Variants in NRG4 observed in about 807,000 individuals in gnomAD.
NRG4 encodes pro-neuregulin-4, membrane-bound isoform.
In NRG4, 10 loss-of-function variants were observed where a neutral mutation model predicts 15.0. That is an observed-to-expected ratio of 0.67 (90% CI 0.41 to 1.13). The LOEUF is 1.13. Among genes scored for constraint, NRG4 ranks in the 50% most tolerant of loss-of-function variants. The pLI is 0.00. For missense variants in NRG4, 139 were observed against 140.2 expected, an observed-to-expected ratio of 0.99 and a Z score of 0.04; for synonymous variants, 41 against 50.1, an observed-to-expected ratio of 0.82 and a Z score of 0.77.
chr15:75,971,104 G>T, intron 3 of NRG4: 2 of 331,866 alleles, frequency 6.0e-6, no homozygotes, highest in Non-Finnish European at 5.9e-6. Context: ...AAAACAGATT[G>T]CCCTGTGGAT....
chr15:75,988,330 CA>C (rs2033876409), intron 3 of NRG4, among the ~76,000 whole-genome samples: 1 of 152,162 alleles, frequency 6.6e-6, no homozygotes, highest in South Asian at 2.1e-4. Flanking sequence ...GGACTACAGG[CA>C]TGCGCCACCA....
chr15:76,026,196 A>G (rs1382662662), intron 5 of NRG4, among the ~76,000 whole-genome samples: 1 of 152,248 alleles, frequency 6.6e-6, no homozygotes, highest in Non-Finnish European at 1.5e-5. Context: ...AGAAAGTTCA[A>G]ATAATCCCAC....
At chr15:76,050,437 G>GTTTTTTT (rs71444951) in intron 4 of NRG4, among the ~76,000 whole-genome samples, 4 of 91,874 alleles carry the variant, frequency 4.4e-5, no homozygotes, top group Non-Finnish European at 6.4e-5. Flanking sequence ...CCGAGCCTTC[G>GTTTTTTT]TTTTTTTTTT....
intron 3 of NRG4, among the ~76,000 whole-genome samples, chr15:75,967,499 T>C (rs1170163735): frequency 6.8e-6 from 1 of 148,090 alleles, no homozygotes; most frequent in East Asian, 2.0e-4. Context: ...CTTGCTTTTG[T>C]TGCTCAGGCT....
At chr15:76,027,415 A>C (rs931856181) in intron 5 of NRG4, among the ~76,000 whole-genome samples, 2 of 152,092 alleles carry the variant, frequency 1.3e-5, no homozygotes, top group East Asian at 1.9e-4. Context: ...AAGCACCTAG[A>C]TATATAAAGC....
At chr15:75,978,985 C>G (rs1025748313) in intron 3 of NRG4, among the ~76,000 whole-genome samples, 3 of 152,026 alleles carry the variant, frequency 2.0e-5, no homozygotes, top group Non-Finnish European at 4.4e-5. Context: ...TTTTTTCCTG[C>G]AGAATTGTTG....
chr15:76,056,031 A>AT (rs1267884742), intron 2 of NRG4, among the ~76,000 whole-genome samples: 1 of 152,158 alleles, frequency 6.6e-6, no homozygotes, highest in African/African-American at 2.4e-5. Context: ...TTTACAATTA[A>AT]TTTTTATTGA....
intron 3 of NRG4, among the ~76,000 whole-genome samples, chr15:75,991,622 T>C (rs1450676593): frequency 1.3e-5 from 2 of 149,078 alleles, no homozygotes; most frequent in Middle Eastern, 3.5e-3. Flanking sequence ...ACTGTGTCCT[T>C]AGTGAATTTT....
intron 5 of NRG4, among the ~76,000 whole-genome samples, chr15:76,034,214 C>G (rs2035546059): frequency 6.6e-6 from 1 of 152,172 alleles, no homozygotes; most frequent in East Asian, 1.9e-4. Flanking sequence ...TCTAAGCCAT[C>G]CTCCTTTGTT....
intron 4 of NRG4, chr15:75,959,199 G>A (rs189042092): frequency 1.6e-5 from 5 of 306,100 alleles, no homozygotes; most frequent in Non-Finnish European, 2.6e-5. Context: ...TGTTGTCCAG[G>A]CTGGTCTTAA....
intron 5 of NRG4, chr15:75,945,809 C>T (rs538353629): frequency 2.0e-5 from 3 of 152,306 alleles, no homozygotes; most frequent in Admixed American, 2.0e-4. Context: ...GTCCCCTCTT[C>T]TCCATGGGGG....
chr15:76,011,077 T>A, intron 2 of NRG4, 144 bp downstream of exon 2: 1 of 706,216 alleles, frequency 1.4e-6, no homozygotes, highest in East Asian at 3.5e-5. Context: ...ATATTTCATA[T>A]TTGAAATATT....
At chr15:75,969,219 C>T (rs1362138789) in intron 3 of NRG4, 1 of 456,058 alleles carries the variant, frequency 2.2e-6, no homozygotes, top group East Asian at 6.9e-5. Context: ...AGCATCAGTT[C>T]ACTTCCTGAC....
intron 5 of NRG4, among the ~76,000 whole-genome samples, chr15:75,946,119 G>T (rs1226964251): frequency 6.6e-6 from 1 of 151,992 alleles, no homozygotes; most frequent in Non-Finnish European, 1.5e-5. Context: ...GTGTGGATGT[G>T]GTGGGCAAAA....
Position 75,977,346 on chromosome 15 carries a change from G to A in NRG4, c.105-15372C>T, listed in dbSNP as rs924649575. On this transcript the variant is annotated intron_variant, in intron 3 of 5. Transcript: ENST00000394907. The surrounding 1 kb of genome is among the most constrained non-coding windows in gnomAD (Gnocchi z 4.9). ...GGGAGTGAACGGTTCTGTCTCACTGGTGTTGCAGGCGCCACTGGGGTATGA... is the reference window on the plus strand; with the variant it reads ...GGGAGTGAACGGTTCTGTCTCACTGATGTTGCAGGCGCCACTGGGGTATGA... Among the ~76,000 whole-genome samples, 2 of 152,256 alleles carry A rather than the reference G, an allele frequency of 1.3e-5. No homozygotes were observed. The highest frequency in any genetic ancestry group is 2.4e-5 in the African/African-American group (1 of 41,570).
At chr15:76,021,159 G>A (rs2141927453) in intron 5 of NRG4, among the ~76,000 whole-genome samples, 1 of 152,258 alleles carries the variant, frequency 6.6e-6, no homozygotes, top group African/African-American at 2.4e-5. Flanking sequence ...TAAGAATTAT[G>A]CTAAATCTAC....
chr15:76,024,800 G>C (rs2035259010), intron 5 of NRG4, among the ~76,000 whole-genome samples: 1 of 152,154 alleles, frequency 6.6e-6, no homozygotes, highest in African/African-American at 2.4e-5. Flanking sequence ...AAACTACATG[G>C]AGACTATACT....
chr15:75,941,960 A>AAAACC lies in NRG4; in HGVS notation c.*1677_*1678insGGTTT, dbSNP rs142812746. ...ACCACCAAAAAAAAAAAAAAAAAAA[A>AAAACC]ATATGGCCTAGCTTTTTTTTTTTTT... is the stretch of plus-strand genomic sequence containing the variant. On this transcript the variant is annotated 3_prime_UTR_variant, in exon 6 of 6. Coordinates refer to ENST00000394907, the MANE Select transcript of NRG4 (RefSeq NM_138573.4). The AAAACC allele has an allele frequency of 1.4e-4, 13 of 93,780 alleles. No individual in the cohort carries two copies. The highest frequency in any genetic ancestry group is 4.6e-4 in the African/African-American group (12 of 25,808). 5.8% of individuals were successfully genotyped at this position (93,780 alleles called of 1,614,324 possible). A position where few individuals can be genotyped will look rare whatever the true frequency, so the allele number is the denominator to read the frequency against.
At chr15:75,988,978 C>T (rs2033906314) in intron 3 of NRG4, among the ~76,000 whole-genome samples, 1 of 151,706 alleles carries the variant, frequency 6.6e-6, no homozygotes, top group Non-Finnish European at 1.5e-5. Flanking sequence ...CCATCTCAGC[C>T]TCCCACGTAG....
Sources: allele counts gnomAD v4.1 joint callset (sites outside exome capture counted in the v4.1 genomes callset), GRCh38; gene constraint gnomAD v4.1.1; non-coding constraint Gnocchi (gnomAD v3.1); transcripts MANE v1.5; gene names NCBI Gene and HGNC (gene_info 2026-07-23, HGNC 2026-07-21).